The following ADAMTS17 variants were observed in gnomAD, a reference collection of about 807,000 sequenced individuals.
ADAMTS17 encodes ADAM metallopeptidase with thrombospondin type 1 motif 17, also known as A disintegrin and metalloproteinase with thrombospondin motifs 17.
In ADAMTS17, 113 loss-of-function variants were observed where a neutral mutation model predicts 141.5. The ratio of observed to expected loss-of-function variants is 0.80; its 90% CI spans 0.69 to 0.93. The LOEUF is 0.93. ADAMTS17 is among the 40% of genes least tolerant of loss of function. The probability of loss-of-function intolerance (pLI) is 0.00; values close to 1 mark genes in which losing one functional copy is unlikely to be tolerated. For synonymous variants in ADAMTS17, 768 were observed against 630.6 expected (o/e 1.22, Z -3.27); for missense variants, 1,659 against 1,517.9 (o/e 1.09, Z -1.54).
chr15:100,283,271 A>G (rs781739834), intron 3 of ADAMTS17, among the ~76,000 whole-genome samples: 13 of 152,192 alleles, frequency 8.5e-5, no homozygotes, highest in Admixed American at 2.6e-4. Flanking sequence ...AAGGGAAGAA[A>G]GCATCCATTC....
chr15:100,134,409 G>C (rs1263964942), intron 10 of ADAMTS17, among the ~76,000 whole-genome samples: 1 of 152,218 alleles, frequency 6.6e-6, no homozygotes, highest in African/African-American at 2.4e-5. Flanking sequence ...AAGACGCAGT[G>C]ATTCCAGGAT....
chr15:100,273,810 C>T (rs371639492), intron 4 of ADAMTS17, among the ~76,000 whole-genome samples: 18 of 152,058 alleles, frequency 1.2e-4, no homozygotes, highest in East Asian at 3.8e-4. Flanking sequence ...AAGTGTTTAC[C>T]GCTATACATG....
intron 18 of ADAMTS17, among the ~76,000 whole-genome samples, chr15:100,011,881 G>C (rs1029508599): frequency 6.6e-6 from 1 of 152,198 alleles, no homozygotes; most frequent in Non-Finnish European, 1.5e-5. Flanking sequence ...CTTGTATAAT[G>C]ACTTCTTTTC....
chr15:100,229,706 A>G (rs1330433164), intron 7 of ADAMTS17, among the ~76,000 whole-genome samples: 2 of 152,204 alleles, frequency 1.3e-5, no homozygotes, highest in South Asian at 2.1e-4. Flanking sequence ...GCCTCCTCCC[A>G]CAACAAAACA....
chr15:100,249,699 C>T (rs145221396), intron 7 of ADAMTS17, among the ~76,000 whole-genome samples: 40 of 152,340 alleles, frequency 2.6e-4, no homozygotes, highest in African/African-American at 9.1e-4. Flanking sequence ...TCATTCCTCA[C>T]AATCAGAAAT....
At chr15:100,277,337 G>A (rs1271797913) in intron 4 of ADAMTS17, among the ~76,000 whole-genome samples, 1 of 152,068 alleles carries the variant, frequency 6.6e-6, no homozygotes, top group Admixed American at 6.5e-5. Context: ...CGGCCCATGA[G>A]GGGTGCAGGG....
intron 7 of ADAMTS17, among the ~76,000 whole-genome samples, chr15:100,247,125 G>T (rs776027669): frequency 6.6e-6 from 1 of 152,064 alleles, no homozygotes; most frequent in Non-Finnish European, 1.5e-5. Context: ...GACCTCAAGT[G>T]ATCCACCCAC....
At chr15:100,288,561 T>C (rs1484566925) in intron 3 of ADAMTS17, among the ~76,000 whole-genome samples, 1 of 152,208 alleles carries the variant, frequency 6.6e-6, no homozygotes, top group Non-Finnish European at 1.5e-5. Flanking sequence ...CAACAGAGTA[T>C]ACATTCTTCT....
Position 100,199,427 on chromosome 15 carries a change from C to T in ADAMTS17, c.1076-4G>A. The stretch of plus-strand genomic sequence containing the variant: ...ACACCTCCTAAGTAAGCAATTCCTG[C>T]AGCAGAGACACAAAACACATCCTCT... On this transcript the variant is annotated splice_region_variant and splice_polypyrimidine_tract_variant and intron_variant, in intron 7 of 21. Transcript: ENST00000268070. 1 of 1,613,454 alleles carries T rather than the reference C, an allele frequency of 6.2e-7. No individual in the cohort carries two copies. The highest frequency in any genetic ancestry group is 8.5e-7 in the Non-Finnish European group (1 of 1,179,402).
At chr15:100,320,487 A>G (rs558807278) in intron 3 of ADAMTS17, among the ~76,000 whole-genome samples, 1 of 152,220 alleles carries the variant, frequency 6.6e-6, no homozygotes, top group Non-Finnish European at 1.5e-5. Flanking sequence ...TAGTATCTTT[A>G]AAGTGTGAAG....
At chr15:100,050,498 G>A (rs570049515) in intron 17 of ADAMTS17, among the ~76,000 whole-genome samples, 42 of 152,330 alleles carry the variant, frequency 2.8e-4, no homozygotes, top group African/African-American at 8.9e-4. Flanking sequence ...GCCAACTGCC[G>A]CAGGGCTGTT....
At chr15:100,025,438 C>G (rs2437433) in intron 18 of ADAMTS17, among the ~76,000 whole-genome samples, 24,770 of 145,986 alleles carry the variant, frequency 0.17, 6,075 homozygotes, top group African/African-American at 0.55. Context: ...TTGAGACAGA[C>G]TTTCACTCTT....
At chr15:100,181,063 C>T (rs2040506676) in intron 8 of ADAMTS17, among the ~76,000 whole-genome samples, 3 of 152,368 alleles carry the variant, frequency 2.0e-5, no homozygotes, top group South Asian at 4.1e-4. Context: ...TCCTCTTTCA[C>T]AGGCAGAGGA....
rs2041546912 is a variant in ADAMTS17, at chr15:100,206,137, A to AG, written c.1076-6715dup. ...CGGCGGGCGGCACCGTGAATGCAGCAGGTGATGAGTGCCTTGGAGTTCCCT... is the reference window on the plus strand; with the variant it reads ...CGGCGGGCGGCACCGTGAATGCAGCAGGGTGATGAGTGCCTTGGAGTTCCCT... On this transcript the variant is annotated intron_variant, in intron 7 of 21. Transcript: ENST00000268070. Among the ~76,000 whole-genome samples, 3 of 152,308 alleles carry AG rather than the reference A, an allele frequency of 2.0e-5. No homozygotes were observed. The South Asian group carries it at 6.2e-4, about 32-fold the overall frequency.
At position 99,977,259 on chromosome 15, in the gene ADAMTS17, C is replaced by T. The variant is rs1022884073; in HGVS notation, c.2950-1037G>A. Among the ~76,000 whole-genome samples, 4 of 149,268 alleles carry T rather than the reference C, an allele frequency of 2.7e-5. No homozygotes were observed. In the South Asian group the frequency reaches 8.6e-4, roughly 32 times the overall value. On this transcript the variant is annotated intron_variant, in intron 20 of 21. Transcript: ENST00000268070. The stretch of plus-strand genomic sequence containing the variant: ...TGAGGAGGTGCCGTGTTTGCTAAAA[C>T]CTGGTCAACATAGTTGAGCAGAGGC...
chr15:100,152,872 C>T (rs140743302), intron 9 of ADAMTS17, 110 bp from the exon 10 acceptor site: 48 of 1,330,314 alleles, frequency 3.6e-5, no homozygotes, highest in East Asian at 1.2e-4. Context: ...GGCACCTCCA[C>T]GTTCCTTATG....
chr15:100,153,799 A>G (rs2039302965), intron 9 of ADAMTS17, among the ~76,000 whole-genome samples: 3 of 152,252 alleles, frequency 2.0e-5, no homozygotes, highest in South Asian at 4.1e-4. Flanking sequence ...AAAGAGTTGC[A>G]TGAACACAAG....
At chr15:100,238,621 G>A (rs1285884187) in intron 7 of ADAMTS17, among the ~76,000 whole-genome samples, 1 of 152,206 alleles carries the variant, frequency 6.6e-6, no homozygotes, top group Non-Finnish European at 1.5e-5. Flanking sequence ...ATGGGCACAG[G>A]TCTGGCAGAC....
At chr15:100,184,590 A>G (rs186579835) in intron 8 of ADAMTS17, among the ~76,000 whole-genome samples, 5 of 152,202 alleles carry the variant, frequency 3.3e-5, no homozygotes, top group Admixed American at 2.6e-4. Flanking sequence ...ACCTTCAGGA[A>G]TTTTTCTTTG....
Sources: gnomAD v4.1 joint callset for allele counts (sites outside exome capture counted in the v4.1 genomes callset) on GRCh38, gnomAD v4.1.1 for gene constraint, MANE v1.5 for transcripts, NCBI Gene and HGNC (gene_info 2026-07-23, HGNC 2026-07-21) for gene names.